The following TRAPPC9 variants were observed in gnomAD, a reference collection of about 807,000 sequenced individuals.
The protein encoded by TRAPPC9 is trafficking protein particle complex subunit 9.
In TRAPPC9, 83 loss-of-function variants were observed where a neutral mutation model predicts 124.0. That is an observed-to-expected ratio of 0.67 (90% CI 0.56 to 0.80). The LOEUF is 0.80. TRAPPC9 is among the 30% of genes least tolerant of loss of function. The probability of loss-of-function intolerance (pLI) is 0.00; values close to 1 mark genes in which losing one functional copy is unlikely to be tolerated. For synonymous variants in TRAPPC9, 638 were observed against 617.5 expected (o/e 1.03, Z -0.49); for missense variants, 1,302 against 1,508.3 (o/e 0.86, Z 2.27).
chr8:140,189,941 G>A (rs1265973974), intron 17 of TRAPPC9, among the ~76,000 whole-genome samples: 2 of 152,126 alleles, frequency 1.3e-5, no homozygotes, highest in Non-Finnish European at 2.9e-5. Context: ...CAGGGCAGAC[G>A]CACGGCCTCC....
intron 17 of TRAPPC9, among the ~76,000 whole-genome samples, chr8:140,047,133 C>T (rs759876077): frequency 3.9e-5 from 6 of 152,252 alleles, no homozygotes; most frequent in Non-Finnish European, 7.3e-5. Context: ...TCTCCCGGCA[C>T]AGCCTCACAG....
chr8:139,901,025 A>T (rs1406978285), intron 20 of TRAPPC9, among the ~76,000 whole-genome samples: 1 of 151,336 alleles, frequency 6.6e-6, no homozygotes, highest in African/African-American at 2.4e-5. Context: ...AAATAAAAAT[A>T]AAATAAAAGT....
At chr8:140,287,818 A>G (rs2065535405) in intron 12 of TRAPPC9, 84 bp from the exon 13 acceptor site, 2 of 1,578,702 alleles carry the variant, frequency 1.3e-6, no homozygotes, top group Admixed American at 3.3e-5. Context: ...GACATTGGCT[A>G]TGGCACATCG....
At chr8:139,748,461 C>T in intron 21 of TRAPPC9, among the ~76,000 whole-genome samples, 1 of 109,212 alleles carries the variant, frequency 9.2e-6, no homozygotes. Flanking sequence ...AGAGAAGATG[C>T]AGGGGGTACA....
chr8:140,096,960 C>T (rs765292220), intron 17 of TRAPPC9: 2 of 152,582 alleles, frequency 1.3e-5, no homozygotes, highest in Non-Finnish European at 2.9e-5. Context: ...CCTCACAGTG[C>T]ACAACCGGCT....
intron 21 of TRAPPC9, among the ~76,000 whole-genome samples, chr8:139,862,902 G>A (rs760802699): frequency 7.9e-5 from 12 of 152,190 alleles, no homozygotes; most frequent in South Asian, 2.1e-4. Flanking sequence ...TCCGTGTGGC[G>A]CCACCTTTCG....
chr8:140,291,558 G>A (rs899028030), intron 11 of TRAPPC9, among the ~76,000 whole-genome samples: 14 of 152,336 alleles, frequency 9.2e-5, no homozygotes, highest in African/African-American at 2.9e-4. Flanking sequence ...GAATTCTGAC[G>A]ACCTCCAAAA....
intron 21 of TRAPPC9, among the ~76,000 whole-genome samples, chr8:139,874,293 G>C (rs557018353): frequency 3.9e-5 from 6 of 152,242 alleles, no homozygotes; most frequent in Non-Finnish European, 8.8e-5. Context: ...TCTGGCCTTG[G>C]ACCGATAGGA....
At chr8:139,927,747 T>C (rs1452312594) in intron 19 of TRAPPC9, among the ~76,000 whole-genome samples, 1 of 152,180 alleles carries the variant, frequency 6.6e-6, no homozygotes, top group Admixed American at 6.5e-5. Flanking sequence ...AATAATGGAA[T>C]ACTTTAAGAA....
intron 21 of TRAPPC9, among the ~76,000 whole-genome samples, chr8:139,821,189 G>A (rs1441233118): frequency 6.6e-6 from 1 of 152,244 alleles, no homozygotes; most frequent in Admixed American, 6.5e-5. Flanking sequence ...TCTAAGGAGA[G>A]AAATCCACAT....
chr8:140,130,799 G>A (rs2061195615), intron 17 of TRAPPC9, among the ~76,000 whole-genome samples: 1 of 152,098 alleles, frequency 6.6e-6, no homozygotes, highest in African/African-American at 2.4e-5. Context: ...GGACTGAGGG[G>A]GTTCTTTGTA....
chr8:140,272,337 T>C (rs980049743), intron 15 of TRAPPC9, among the ~76,000 whole-genome samples: 1 of 133,040 alleles, frequency 7.5e-6, no homozygotes, highest in Non-Finnish European at 1.7e-5. Flanking sequence ...ATGGTGGTTT[T>C]GGTGGTCACA....
At chr8:139,831,828 G>A (rs960036950) in intron 21 of TRAPPC9, among the ~76,000 whole-genome samples, 17 of 152,238 alleles carry the variant, frequency 1.1e-4, no homozygotes, top group East Asian at 1.9e-4. Context: ...GGAGTGTCTC[G>A]GCCTGCAGTA....
chr8:140,376,019 T>C (rs1385091156), intron 7 of TRAPPC9, among the ~76,000 whole-genome samples: 3 of 152,294 alleles, frequency 2.0e-5, no homozygotes, highest in East Asian at 1.9e-4. Context: ...AAACTTTCCA[T>C]ATATGTCTAT....
intron 17 of TRAPPC9, among the ~76,000 whole-genome samples, chr8:140,147,832 C>A (rs1373843279): frequency 6.6e-6 from 1 of 152,256 alleles, no homozygotes; most frequent in African/African-American, 2.4e-5. Flanking sequence ...AGCAAAGCAA[C>A]ACGGCGGCGG....
chr8:140,227,116 C>A (rs368273172), intron 16 of TRAPPC9, among the ~76,000 whole-genome samples: 2 of 152,100 alleles, frequency 1.3e-5, no homozygotes, highest in African/African-American at 4.8e-5. Context: ...CTGAGCCCTT[C>A]GCCCATACAG....
chr8:140,458,139 G>GAGGAGGGA, upstream of TRAPPC9: 1 of 1,472,596 alleles, frequency 6.8e-7, no homozygotes, highest in Admixed American at 2.0e-5. Context: ...GGAGGAAGAG[G>GAGGAGGGA]AGGAGGGAAG....
At chr8:139,942,721 C>G (rs540417955) in intron 19 of TRAPPC9, among the ~76,000 whole-genome samples, 31 of 152,190 alleles carry the variant, frequency 2.0e-4, no homozygotes, top group African/African-American at 7.5e-4. Flanking sequence ...GAACAGACAC[C>G]CGGAAGAAGG....
chr8:139,955,235 A>G (rs1834896798), intron 19 of TRAPPC9, among the ~76,000 whole-genome samples: 1 of 152,070 alleles, frequency 6.6e-6, no homozygotes, highest in Non-Finnish European at 1.5e-5. Flanking sequence ...ACAGTGATGA[A>G]GGAATGATCA....
Sources: gnomAD v4.1 joint callset for allele counts (sites outside exome capture counted in the v4.1 genomes callset) on GRCh38, gnomAD v4.1.1 for gene constraint, MANE v1.5 for transcripts, NCBI Gene and HGNC (gene_info 2026-07-23, HGNC 2026-07-21) for gene names.